The following MIB1 variants were observed in gnomAD, a reference collection of about 807,000 sequenced individuals.
The protein encoded by MIB1 is E3 ubiquitin-protein ligase MIB1.
A neutral mutation model predicts 124.5 loss-of-function variants in MIB1; 278 were observed. The observed-to-expected ratio is 2.23, with a 90% confidence interval of 2.02 to 2.47. MIB1 has a LOEUF of 2.47. MIB1 is among the 30% of genes most tolerant of loss of function. MIB1 has a pLI of 0.00. For synonymous variants in MIB1, 446 were observed against 429.4 expected, an observed-to-expected ratio of 1.04 and a Z score of -0.48; for missense variants, 957 against 1,254.4, an observed-to-expected ratio of 0.76 and a Z score of 3.58.
Position 21,857,120 on chromosome 18 carries a change from C to T in MIB1, c.2666-10C>T, listed in dbSNP as rs779829531. Reference sequence around the variant, plus strand: ...CTCTTGTAAGAAGTGTCTGTGTTACCGTTTTCCAGACTGTGCTAACCTGAT... The same window carrying T: ...CTCTTGTAAGAAGTGTCTGTGTTACTGTTTTCCAGACTGTGCTAACCTGAT... On this transcript the variant is annotated splice_polypyrimidine_tract_variant and intron_variant, in intron 18 of 20. Transcript: ENST00000261537. The T allele has an allele frequency of 5.1e-5, 82 of 1,593,838 alleles. No homozygotes were observed. The highest frequency in any genetic ancestry group is 6.4e-5 in the Non-Finnish European group (74 of 1,161,772).
intron 12 of MIB1, among the ~76,000 whole-genome samples, chr18:21,834,384 C>A (rs2042008593): frequency 6.6e-6 from 1 of 152,028 alleles, no homozygotes; most frequent in South Asian, 2.1e-4. Context: ...TTATGTAGCA[C>A]CCTCAAGGAG....
At chr18:21,815,903 A>G in intron 11 of MIB1, 90 bp downstream of exon 11, 2 of 1,152,470 alleles carry the variant, frequency 1.7e-6, no homozygotes, top group African/African-American at 3.1e-5. Context: ...TTCCTTTGTT[A>G]CCGTTCTCAT....
At chr18:21,734,295 CG>C (rs1432512424) in intron 1 of MIB1, among the ~76,000 whole-genome samples, 2 of 151,338 alleles carry the variant, frequency 1.3e-5, no homozygotes, top group African/African-American at 4.9e-5. Context: ...TTATTAGAGA[CG>C]GGGTTTCACC....
In MIB1 at chr18:21,800,760, T is replaced by C. The variant is rs200228249; in HGVS notation, c.1371+786T>C. Among the ~76,000 whole-genome samples the C allele has an allele frequency of 1.8e-4, 27 of 152,272 alleles. No homozygotes were observed. The East Asian group carries it at 2.1e-3, about 12-fold the overall frequency. ...GAGATCTATAATTGTAAAGTATTAA[T>C]GTCTTATTTCTCCTATAAGCTCGAC... On this transcript the variant is annotated intron_variant, in intron 9 of 20. Coordinates refer to ENST00000261537, the MANE Select transcript of MIB1 (RefSeq NM_020774.4).
intron 1 of MIB1, among the ~76,000 whole-genome samples, chr18:21,752,072 T>C: frequency 6.6e-6 from 1 of 152,076 alleles, no homozygotes; most frequent in Non-Finnish European, 1.5e-5. Flanking sequence ...CATGAAAGAG[T>C]TTTTGTTGTT....
chr18:21,754,340 A>G (rs112373283), intron 1 of MIB1, among the ~76,000 whole-genome samples: 2,486 of 152,364 alleles, frequency 0.016, 38 homozygotes, highest in East Asian at 0.069. Flanking sequence ...AATTCCAGAA[A>G]TAAACAATTC....
intron 16 of MIB1, among the ~76,000 whole-genome samples, chr18:21,847,629 A>C (rs1226216484): frequency 6.6e-6 from 1 of 152,134 alleles, no homozygotes; most frequent in Non-Finnish European, 1.5e-5. Flanking sequence ...GCCTGGCTCT[A>C]TATTTAAAAT....
At chr18:21,759,876 C>A (rs185846895) in intron 1 of MIB1, among the ~76,000 whole-genome samples, 223 of 152,264 alleles carry the variant, frequency 1.5e-3, no homozygotes, top group African/African-American at 5.1e-3. Flanking sequence ...CATTAGGTCT[C>A]TGAAGAATGT....
At chr18:21,804,590 A>G (rs1598619448) in intron 10 of MIB1, among the ~76,000 whole-genome samples, 2 of 152,220 alleles carry the variant, frequency 1.3e-5, no homozygotes, top group South Asian at 4.1e-4. Context: ...CTGTATCTCT[A>G]TTGTGAAGGA....
chr18:21,781,607 G>A (rs1432580908), intron 6 of MIB1, among the ~76,000 whole-genome samples: 2 of 151,018 alleles, frequency 1.3e-5, no homozygotes, highest in Non-Finnish European at 3.0e-5. Flanking sequence ...TAGAGATGGG[G>A]TTTCACCATG....
rs113144547 is a variant in MIB1, at chr18:21,828,952, A to G, written c.1829+9306A>G. 1.5e-4 allele frequency: 70 copies of G among 460,872 alleles called. 2 individuals are homozygous for G. The highest frequency in any genetic ancestry group is 1.2e-3 in the African/African-American group (58 of 48,976). The allele number at this position is 460,872 out of a possible 1,614,324, so 28.5% of individuals were successfully genotyped here. ...ACCATATGACGGTCATTCACGTAGAAAGAAGCAAGAGCTTCTTTTAGCTCA... is the reference window on the plus strand; with the variant it reads ...ACCATATGACGGTCATTCACGTAGAGAGAAGCAAGAGCTTCTTTTAGCTCA... On this transcript the variant is annotated intron_variant, in intron 12 of 20. Transcript: ENST00000261537.
rs1268320308 is a variant in MIB1 at position 21,857,111 on chromosome 18, C to G, written c.2666-19C>G. The G allele has an allele frequency of 6.4e-7, 1 of 1,551,690 alleles. No individual in the cohort carries two copies. Among genetic ancestry groups the G allele is most frequent in the Admixed American group, 1.7e-5 (1 of 59,872 alleles). On this transcript the variant is annotated intron_variant, in intron 18 of 20. Transcript: ENST00000261537. ...TAATGTTCTCTCTTGTAAGAAGTGT[C>G]TGTGTTACCGTTTTCCAGACTGTGC...
At chr18:21,857,075 A>C (rs2042235504) in intron 18 of MIB1, 55 bp from the exon 19 acceptor site, 1 of 1,170,484 alleles carries the variant, frequency 8.5e-7, no homozygotes, top group Admixed American at 1.7e-5. Flanking sequence ...AGAGAAAGGC[A>C]ACACTCCTAT....
At chr18:21,817,757 C>T (rs899484704) in intron 11 of MIB1, 22 of 400,842 alleles carry the variant, frequency 5.5e-5, no homozygotes, top group Non-Finnish European at 9.4e-5. Context: ...GGTGTTTGCA[C>T]TTTCATATTC....
chr18:21,706,631 G>T (rs2146349325), intron 1 of MIB1, among the ~76,000 whole-genome samples: 1 of 152,306 alleles, frequency 6.6e-6, no homozygotes, highest in African/African-American at 2.4e-5. Context: ...GGCACCGCCG[G>T]CCCTGGCCAG....
intron 10 of MIB1, among the ~76,000 whole-genome samples, chr18:21,814,176 T>C (rs2041804302): frequency 6.6e-6 from 1 of 152,204 alleles, no homozygotes; most frequent in South Asian, 2.1e-4. Flanking sequence ...CAAATCTATT[T>C]GATTCTTCTG....
chr18:21,810,589 A>G (rs1195871459), intron 10 of MIB1, among the ~76,000 whole-genome samples: 2 of 151,966 alleles, frequency 1.3e-5, no homozygotes, highest in Admixed American at 6.6e-5. Flanking sequence ...AAGCCTTTGC[A>G]TTAAGGTCAA....
chr18:21,820,935 G>A (rs1366144491), intron 12 of MIB1, among the ~76,000 whole-genome samples: 1 of 152,192 alleles, frequency 6.6e-6, no homozygotes, highest in African/African-American at 2.4e-5. Flanking sequence ...ATTATGGTCT[G>A]TCTGTGAAGC....
chr18:21,742,282 T>A (rs1412768580), intron 1 of MIB1, among the ~76,000 whole-genome samples: 1 of 151,854 alleles, frequency 6.6e-6, no homozygotes, highest in Non-Finnish European at 1.5e-5. Flanking sequence ...ATGCCTTTTT[T>A]TTTTTTTTTT....
Sources: gnomAD v4.1 joint callset for allele counts (sites outside exome capture counted in the v4.1 genomes callset) on GRCh38, gnomAD v4.1.1 for gene constraint, MANE v1.5 for transcripts, NCBI Gene and HGNC (gene_info 2026-07-23, HGNC 2026-07-21) for gene names.